Variants in MORN5 observed in about 807,000 individuals in gnomAD.
MORN5 encodes MORN repeat-containing protein 5.
In MORN5, 21 loss-of-function variants were observed where a neutral mutation model predicts 22.1. That is an observed-to-expected ratio of 0.95 (90% CI 0.67 to 1.37). MORN5 has a LOEUF of 1.37. MORN5 is among the 40% of genes most tolerant of loss of function. The pLI, the probability that MORN5 is intolerant of heterozygous loss-of-function variation, is 0.00. For missense variants in MORN5, 211 were observed against 215.1 expected (o/e 0.98, Z 0.12); for synonymous variants, 73 against 74.0 (o/e 0.99, Z 0.07).
Position 122,174,668 on chromosome 9 carries a change from C to T in MORN5, c.439+41C>T, listed in dbSNP as rs777376673. 22 of 1,613,354 alleles carry T rather than the reference C, an allele frequency of 1.4e-5. No individual in the cohort carries two copies. In the East Asian group the frequency reaches 4.7e-4, roughly 34 times the overall value. On this transcript the variant is annotated intron_variant, in intron 4 of 4. Transcript: ENST00000373764. ...CACTGCAGCACGTTTTCTCTTCACC[C>T]ACATATGAGTATGTGCATCTGTATG...
intron 4 of MORN5, among the ~76,000 whole-genome samples, chr9:122,199,313 G>A (rs1237048956): frequency 2.0e-5 from 3 of 152,168 alleles, no homozygotes; most frequent in Non-Finnish European, 4.4e-5. Context: ...TGCGTGGTTG[G>A]TCACGAAGAT....
chr9:122,165,296 C>T (rs1424263083), intron 1 of MORN5, among the ~76,000 whole-genome samples: 1 of 149,406 alleles, frequency 6.7e-6, no homozygotes, highest in Non-Finnish European at 1.5e-5. Flanking sequence ...CAGTGGCTCA[C>T]ACCTGTAATC....
At chr9:122,160,147 G>A (rs759565563) in intron 1 of MORN5, 128 bp downstream of exon 1, 14 of 754,054 alleles carry the variant, frequency 1.9e-5, no homozygotes, top group Non-Finnish European at 3.1e-5. Context: ...TTTTTTCAAG[G>A]ACCATATCTA....
At chr9:122,185,368 G>T (rs543429242) in intron 4 of MORN5, among the ~76,000 whole-genome samples, 3 of 147,694 alleles carry the variant, frequency 2.0e-5, no homozygotes, top group Non-Finnish European at 3.0e-5. Context: ...GACTACAGGC[G>T]CCCACCACCA....
intron 1 of MORN5, chr9:122,164,728 G>C (rs186769398): frequency 1.7e-6 from 1 of 599,950 alleles, no homozygotes; most frequent in Non-Finnish European, 2.1e-6. Context: ...TGATAGATGT[G>C]AGCTCAAGCA....
Position 122,174,606 on chromosome 9 carries a change from A to G in MORN5, c.418A>G (p.Asn140Asp), listed in dbSNP as rs1487398893. The change falls in exon 4 of 5, where the codon AAC becomes GAC. Residue 140 changes from asparagine (N) to aspartate (D), a missense_variant. By Grantham distance (23) the Asn-to-Asp change is conservative. Transcript: ENST00000373764. The part of the protein sequence containing the change: ...PVTRVVKDYR[N>D]RFLRNADDDE... Reference sequence around the variant, plus strand: ...CACGAGGGTAGTCAAGGACTATAGGAACCGCTTTCTAAGAAACGCAGGTAG... The same window carrying G: ...CACGAGGGTAGTCAAGGACTATAGGGACCGCTTTCTAAGAAACGCAGGTAG... The G allele has an allele frequency of 1.9e-6, 3 of 1,614,140 alleles. No individual in the cohort carries two copies. The highest frequency in any genetic ancestry group is 2.5e-6 in the Non-Finnish European group (3 of 1,180,024).
At chr9:122,168,689 GC>G (rs954308067) in intron 2 of MORN5, among the ~76,000 whole-genome samples, 1 of 152,154 alleles carries the variant, frequency 6.6e-6, no homozygotes, top group African/African-American at 2.4e-5. Flanking sequence ...TGGACAAAGG[GC>G]CGTGGCTGAT....
chr9:122,177,555 C>T (rs892914125), intron 4 of MORN5, among the ~76,000 whole-genome samples: 2 of 152,212 alleles, frequency 1.3e-5, no homozygotes, highest in African/African-American at 2.4e-5. Flanking sequence ...GCCTCAGCCT[C>T]CCAAGTAGCT....
At chr9:122,199,311 T>C (rs1419568035) in intron 4 of MORN5, among the ~76,000 whole-genome samples, 1 of 152,192 alleles carries the variant, frequency 6.6e-6, no homozygotes, top group Admixed American at 6.5e-5. Flanking sequence ...ATTGCGTGGT[T>C]GGTCACGAAG....
At chr9:122,167,126 C>A (rs1299691998) in intron 2 of MORN5, among the ~76,000 whole-genome samples, 1 of 150,408 alleles carries the variant, frequency 6.6e-6, no homozygotes, top group African/African-American at 2.5e-5. Flanking sequence ...CGGCTCACTG[C>A]AACCTCCGCC....
rs199648576 is a variant in MORN5 at position 122,199,865 on chromosome 9, C to T, written c.440-20C>T. ...CCCAGCGAGCACCAAGCATGACCAG[C>T]TCTTCCTCTTTCCTTGCAGATGATG... is the stretch of plus-strand genomic sequence containing the variant. On this transcript the variant is annotated intron_variant, in intron 4 of 4. Coordinates refer to ENST00000373764, the MANE Select transcript of MORN5 (RefSeq NM_198469.4). 6.2e-7 allele frequency: 1 copy of T among 1,613,850 alleles called. No homozygotes were observed. Among genetic ancestry groups the T allele is most frequent in the Admixed American group, 1.7e-5 (1 of 60,024 alleles).
At chr9:122,176,820 G>A (rs1829459207) in intron 4 of MORN5, among the ~76,000 whole-genome samples, 1 of 152,204 alleles carries the variant, frequency 6.6e-6, no homozygotes, top group Non-Finnish European at 1.5e-5. Flanking sequence ...GGAGGTTGTA[G>A]TGAGCCAAGA....
rs1035170078 is a variant in MORN5, at chr9:122,197,128, C to T, written c.440-2757C>T. Among the ~76,000 whole-genome samples, 10 of 152,194 alleles carry T rather than the reference C, an allele frequency of 6.6e-5. No homozygotes were observed. The highest frequency in any genetic ancestry group is 4.2e-4 in the South Asian group (2 of 4,816). ...GAATAGTGTCCCAGAGTGGAATTACCGGGCCAACAGGGACCAAAAATTTTT... is the reference window on the plus strand; with the variant it reads ...GAATAGTGTCCCAGAGTGGAATTACTGGGCCAACAGGGACCAAAAATTTTT... On this transcript the variant is annotated intron_variant, in intron 4 of 4. Transcript: ENST00000373764. The surrounding 1 kb of genome is among the most constrained non-coding windows in gnomAD (Gnocchi z 5.7).
chr9:122,180,033 G>A (rs1003267995), intron 4 of MORN5, among the ~76,000 whole-genome samples: 1 of 152,188 alleles, frequency 6.6e-6, no homozygotes, highest in Non-Finnish European at 1.5e-5. Context: ...GTCACGGGCT[G>A]GGCCACCAGC....
intron 3 of MORN5, among the ~76,000 whole-genome samples, chr9:122,171,744 G>C (rs938166327): frequency 6.6e-6 from 1 of 151,868 alleles, no homozygotes; most frequent in Non-Finnish European, 1.5e-5. Flanking sequence ...TGGTCCTATG[G>C]ATTTTACCTC....
At position 122,199,802 on chromosome 9, in the gene MORN5, A is replaced by G. The variant is rs1829974097; in HGVS notation, c.440-83A>G. The G allele has an allele frequency of 2.2e-6, 3 of 1,390,506 alleles. No individual in the cohort carries two copies. The South Asian group carries it at 3.5e-5, about 16-fold the overall frequency. The allele number at this position is 1,390,506 out of a possible 1,614,324, so 86.1% of individuals were successfully genotyped here. ...GCCATCGACGGACCATCCCAGTCCC[A>G]ACGCCCCACCTGGGGAACCCCCCAG... On this transcript the variant is annotated intron_variant, in intron 4 of 4. Transcript: ENST00000373764.
At chr9:122,198,564 G>A (rs569177205) in intron 4 of MORN5, among the ~76,000 whole-genome samples, 6 of 152,162 alleles carry the variant, frequency 3.9e-5, no homozygotes, top group Non-Finnish European at 8.8e-5. Flanking sequence ...AGAAGGCAGC[G>A]TGGTGTGAAA....
chr9:122,196,226 T>C (rs1829887300), intron 4 of MORN5, among the ~76,000 whole-genome samples: 1 of 152,080 alleles, frequency 6.6e-6, no homozygotes, highest in Non-Finnish European at 1.5e-5. Context: ...CCCAAAGTGT[T>C]GGGAGTACAG....
intron 4 of MORN5, among the ~76,000 whole-genome samples, chr9:122,189,071 T>C (rs890160968): frequency 1.3e-5 from 2 of 152,086 alleles, no homozygotes; most frequent in African/African-American, 4.8e-5. Flanking sequence ...GGCGGGTGCC[T>C]GTAATCCCAG....
Sources: allele counts gnomAD v4.1 joint callset (sites outside exome capture counted in the v4.1 genomes callset), GRCh38; gene constraint gnomAD v4.1.1; non-coding constraint Gnocchi (gnomAD v3.1); transcripts MANE v1.5; gene names NCBI Gene and HGNC (gene_info 2026-07-23, HGNC 2026-07-21).